The following DDX31 variants were observed in gnomAD, a reference collection of about 807,000 sequenced individuals.
The protein encoded by DDX31 is ATP-dependent DNA helicase DDX31.
A neutral mutation model predicts 91.3 loss-of-function variants in DDX31; 70 were observed. The observed-to-expected ratio is 0.77, with a 90% CI of 0.63 to 0.94. The LOEUF (loss-of-function observed/expected upper bound fraction) is 0.94, where lower values mean the gene tolerates loss of function less well. Among genes scored for constraint, DDX31 ranks in the 40% least tolerant of loss-of-function variants. The probability of loss-of-function intolerance (pLI) is 0.00; values close to 1 mark genes in which losing one functional copy is unlikely to be tolerated. For synonymous variants in DDX31, 362 were observed against 350.6 expected (o/e 1.03, Z -0.36); for missense variants, 902 against 925.0 (o/e 0.98, Z 0.32).
chr9:132,594,739 G>C lies in DDX31; in HGVS notation c.*127C>G, dbSNP rs1830347408. ...GGAGGAGAAGGGCTGTGGCCCCTCT[G>C]ATTCTTGGGGACGTGGTATTCAGGC... On this transcript the variant is annotated 3_prime_UTR_variant, in exon 20 of 20. Transcript: ENST00000372159. The C allele has an allele frequency of 4.1e-6, 6 of 1,458,200 alleles. No individual in the cohort carries two copies. Among genetic ancestry groups the C allele is most frequent in the Non-Finnish European group, 4.6e-6 (5 of 1,082,548 alleles). 90.3% of individuals were successfully genotyped at this position (1,458,200 alleles called of 1,614,324 possible).
intron 14 of DDX31, among the ~76,000 whole-genome samples, chr9:132,638,843 G>A (rs1444201363): frequency 6.6e-6 from 1 of 152,220 alleles, no homozygotes; most frequent in South Asian, 2.1e-4. Context: ...GTGAACTTCT[G>A]TGTGAGCACA....
chr9:132,645,240 C>T (rs562241933), intron 13 of DDX31, among the ~76,000 whole-genome samples: 3 of 152,124 alleles, frequency 2.0e-5, no homozygotes, highest in African/African-American at 2.4e-5. Context: ...CCATAACAAA[C>T]GGCCTAGTTA....
chr9:132,661,000 C>T, intron 4 of DDX31: 1 of 566,062 alleles, frequency 1.8e-6, no homozygotes, highest in Non-Finnish European at 3.1e-6. Flanking sequence ...GGTTCAGAGC[C>T]AAGGGCAGAA....
chr9:132,613,471 A>G (rs1831463021), intron 18 of DDX31, among the ~76,000 whole-genome samples: 1 of 152,098 alleles, frequency 6.6e-6, no homozygotes, highest in African/African-American at 2.4e-5. Context: ...AGTCGGGGGG[A>G]TCACCTGAGG....
At chr9:132,619,596 C>T (rs774052038) in intron 17 of DDX31, among the ~76,000 whole-genome samples, 2 of 152,256 alleles carry the variant, frequency 1.3e-5, no homozygotes, top group East Asian at 1.9e-4. Context: ...GACTTAACAA[C>T]GTGAAAATGT....
At chr9:132,650,438 C>A in intron 8 of DDX31, 140 bp from the exon 9 acceptor site, 1 of 774,102 alleles carries the variant, frequency 1.3e-6, no homozygotes, top group South Asian at 1.6e-5. Context: ...TGTGCAGACA[C>A]AATTCCTAGG....
chr9:132,646,780 C>A (rs754126806), intron 12 of DDX31, 43 bp downstream of exon 12: 14 of 1,581,174 alleles, frequency 8.9e-6, no homozygotes, highest in Admixed American at 6.7e-5. Context: ...AGAAAGCAGG[C>A]CTTTCTTCCC....
chr9:132,613,927 C>T (rs1003659484), intron 18 of DDX31, among the ~76,000 whole-genome samples: 2 of 152,206 alleles, frequency 1.3e-5, no homozygotes, highest in African/African-American at 4.8e-5. Context: ...TGCAAACACT[C>T]CCCGCCATCC....
At chr9:132,668,310 A>G (rs528075063) in intron 1 of DDX31, among the ~76,000 whole-genome samples, 3 of 152,318 alleles carry the variant, frequency 2.0e-5, no homozygotes, top group South Asian at 2.1e-4. Flanking sequence ...CAATGGGATT[A>G]TATCAATGAA....
intron 18 of DDX31, among the ~76,000 whole-genome samples, chr9:132,613,703 CTAAAT>C (rs1392018901): frequency 6.6e-6 from 1 of 152,120 alleles, no homozygotes; most frequent in Non-Finnish European, 1.5e-5. Flanking sequence ...TCAAGGAAAA[CTAAAT>C]TAAATTAAAT....
At chr9:132,645,424 T>C (rs754572779) in intron 13 of DDX31, among the ~76,000 whole-genome samples, 8 of 152,134 alleles carry the variant, frequency 5.3e-5, no homozygotes, top group Non-Finnish European at 1.2e-4. Flanking sequence ...CGCTGTGTCT[T>C]GTTGACAATG....
chr9:132,662,248 G>C lies in DDX31; in HGVS notation c.408+13C>G. Reference sequence around the variant, plus strand: ...AAAAAAAACTGACCCAGAAAACACTGAAAGGTACTTACTAAATGTGGGTGG... The same window carrying C: ...AAAAAAAACTGACCCAGAAAACACTCAAAGGTACTTACTAAATGTGGGTGG... On this transcript the variant is annotated intron_variant, in intron 3 of 19. Coordinates refer to ENST00000372159, the MANE Select transcript of DDX31 (RefSeq NM_022779.9). 30 of 1,614,036 alleles carry C rather than the reference G, an allele frequency of 1.9e-5. No homozygotes were observed. Among genetic ancestry groups the C allele is most frequent in the Non-Finnish European group, 2.5e-5 (30 of 1,179,960 alleles).
At chr9:132,653,348 G>C (rs1416771572) in intron 6 of DDX31, among the ~76,000 whole-genome samples, 1 of 151,388 alleles carries the variant, frequency 6.6e-6, no homozygotes, top group Non-Finnish European at 1.5e-5. Context: ...ACAAAAATTA[G>C]CTGGGCATGG....
In DDX31 at chr9:132,658,666, C is replaced by T. The variant is rs1435171789; in HGVS notation, c.588+5G>A. On this transcript the variant is annotated splice_donor_5th_base_variant and intron_variant, in intron 6 of 19. Coordinates refer to ENST00000372159, the MANE Select transcript of DDX31 (RefSeq NM_022779.9). Reference sequence around the variant, plus strand: ...CAATGACAGAAAAACACATTTGATACACACCTGTATTTTTGACTCCATTGC... The same window carrying T: ...CAATGACAGAAAAACACATTTGATATACACCTGTATTTTTGACTCCATTGC... The T allele has an allele frequency of 1.2e-6, 2 of 1,613,260 alleles. No homozygotes were observed. The highest frequency in any genetic ancestry group is 2.2e-5 in the East Asian group (1 of 44,862).
At chr9:132,661,437 G>C (rs1197786933) in intron 3 of DDX31, among the ~76,000 whole-genome samples, 186 bp from the exon 4 acceptor site, 2 of 152,106 alleles carry the variant, frequency 1.3e-5, no homozygotes, top group Non-Finnish European at 2.9e-5. Flanking sequence ...GGGGACACAG[G>C]GCAAAGTCTG....
intron 6 of DDX31, among the ~76,000 whole-genome samples, chr9:132,653,819 C>T (rs892372950): frequency 6.6e-6 from 1 of 151,862 alleles, no homozygotes; most frequent in African/African-American, 2.4e-5. Flanking sequence ...AACCAAACAA[C>T]CTGATTTGAA....
intron 14 of DDX31, chr9:132,637,826 A>G (rs551712073): frequency 1.0e-6 from 1 of 985,976 alleles, no homozygotes; most frequent in African/African-American, 1.7e-5. Context: ...ATAAAACGAA[A>G]AAGATACACT....
chr9:132,597,415 A>G (rs1205317496), intron 19 of DDX31, among the ~76,000 whole-genome samples: 1 of 152,192 alleles, frequency 6.6e-6, no homozygotes, highest in Non-Finnish European at 1.5e-5. Flanking sequence ...AAAGGGTCTG[A>G]CAGGAAGGAA....
At chr9:132,647,208 T>C in intron 11 of DDX31, 150 bp from the exon 12 acceptor site, 1 of 677,040 alleles carries the variant, frequency 1.5e-6, no homozygotes, top group Non-Finnish European at 2.6e-6. Flanking sequence ...TGATCCGCCC[T>C]AGTGCCAACG....
Sources: gnomAD v4.1 joint callset for allele counts (sites outside exome capture counted in the v4.1 genomes callset) on GRCh38, gnomAD v4.1.1 for gene constraint, MANE v1.5 for transcripts, NCBI Gene and HGNC (gene_info 2026-07-23, HGNC 2026-07-21) for gene names.